CTNNA3: variants seen among roughly 807,000 people sequenced by gnomAD.
CTNNA3 encodes catenin alpha 3.
In CTNNA3, 76 loss-of-function variants were observed where a neutral mutation model predicts 95.7. That is an observed-to-expected ratio of 0.79 (90% CI 0.66 to 0.96). The LOEUF is 0.96. CTNNA3 is among the 40% of genes least tolerant of loss of function. The pLI is 0.00. For missense variants in CTNNA3, 1,191 were observed against 1,089.8 expected (o/e 1.09, Z -1.31); for synonymous variants, 431 against 374.4 (o/e 1.15, Z -1.74).
At chr10:66,270,254 C>T (rs1468075578) in intron 13 of CTNNA3, among the ~76,000 whole-genome samples, 2 of 151,802 alleles carry the variant, frequency 1.3e-5, no homozygotes, top group East Asian at 1.9e-4. Context: ...CACTTTGTCA[C>T]CCAGGCTGCA....
In CTNNA3 at chr10:67,309,320, G is replaced by A. The variant is rs1287415741; in HGVS notation, c.580-89450C>T. On this transcript the variant is annotated intron_variant, in intron 5 of 17. Transcript: ENST00000433211. The stretch of plus-strand genomic sequence containing the variant: ...TCACCATCATCAAGTGAAATACTAT[G>A]TCATCTTACAGCAGCATCTCCTGGC... 3.3e-5 allele frequency among the ~76,000 whole-genome samples: 5 copies of A among 152,284 alleles called. No homozygotes were observed. In the East Asian group the frequency reaches 9.7e-4, roughly 29 times the overall value.
chr10:66,367,871 AATAATAATAATTATT>A (rs1207583039), intron 12 of CTNNA3, among the ~76,000 whole-genome samples: 972 of 58,498 alleles, frequency 0.017, 9 homozygotes, highest in East Asian at 0.061. Context: ...TAATAATAAT[AATAATAATAATTATT>A]ATTATTATTA....
chr10:66,505,978 A>G (rs969780758), intron 11 of CTNNA3, among the ~76,000 whole-genome samples: 2 of 152,178 alleles, frequency 1.3e-5, no homozygotes, highest in African/African-American at 4.8e-5. Context: ...TGCAGACTGT[A>G]TAAGAAGCAT....
At chr10:67,752,338 C>T (rs917912235) in intron 1 of CTNNA3, among the ~76,000 whole-genome samples, 8 of 152,140 alleles carry the variant, frequency 5.3e-5, no homozygotes, top group African/African-American at 1.9e-4. Context: ...ATATTAAGAG[C>T]CATTCCTGAC....
At chr10:66,195,530 G>C (rs1460008996) in intron 13 of CTNNA3, among the ~76,000 whole-genome samples, 1 of 152,190 alleles carries the variant, frequency 6.6e-6, no homozygotes, top group Admixed American at 6.6e-5. Flanking sequence ...TCAGTTAGCA[G>C]TGTAGTGACA....
At chr10:67,594,276 A>T (rs1352847692) in intron 3 of CTNNA3, among the ~76,000 whole-genome samples, 1 of 152,172 alleles carries the variant, frequency 6.6e-6, no homozygotes, top group African/African-American at 2.4e-5. Flanking sequence ...TCGTAGAATC[A>T]GGGAGGAATC....
intron 5 of CTNNA3, among the ~76,000 whole-genome samples, chr10:67,398,994 G>A (rs1479325342): frequency 1.3e-5 from 2 of 151,970 alleles, no homozygotes; most frequent in East Asian, 1.9e-4. Flanking sequence ...GTCTTTATTA[G>A]CAGCATGAGA....
intron 9 of CTNNA3, among the ~76,000 whole-genome samples, chr10:66,625,651 A>G (rs1844909412): frequency 6.6e-6 from 1 of 152,158 alleles, no homozygotes; most frequent in African/African-American, 2.4e-5. Context: ...AGTCTCCCAA[A>G]GTGCTAGGAT....
intron 7 of CTNNA3, among the ~76,000 whole-genome samples, chr10:67,067,365 C>A (rs1856159079): frequency 6.6e-6 from 1 of 151,992 alleles, no homozygotes; most frequent in African/African-American, 2.4e-5. Flanking sequence ...AGTTACTAAC[C>A]CTCCCCCACC....
intron 7 of CTNNA3, among the ~76,000 whole-genome samples, chr10:66,857,503 T>G (rs1394600049): frequency 1.3e-5 from 2 of 152,096 alleles, no homozygotes; most frequent in African/African-American, 2.4e-5. Flanking sequence ...TTGGGAAGTA[T>G]GACCATTTTA....
chr10:67,218,630 A>G (rs1164143428), intron 6 of CTNNA3, among the ~76,000 whole-genome samples: 3 of 152,210 alleles, frequency 2.0e-5, no homozygotes, highest in African/African-American at 7.2e-5. Context: ...AACACTAGCC[A>G]TGACTCCTTC....
rs576317190 is a variant in CTNNA3 at position 65,959,642 on chromosome 10, A to C, written c.2400+6970T>G. Among the ~76,000 whole-genome samples, 13 of 152,186 alleles carry C rather than the reference A, an allele frequency of 8.5e-5. No individual in the cohort carries two copies. The South Asian group carries it at 2.3e-3, about 27-fold the overall frequency. ...TGGGTTCAGGTCATCCTCTCACCTC[A>C]GCTTCCCGAGTAGCTGGGACTACAG... On this transcript the variant is annotated intron_variant, in intron 17 of 17. Coordinates refer to ENST00000433211, the MANE Select transcript of CTNNA3 (RefSeq NM_013266.4).
At chr10:66,807,143 T>A (rs948285771) in intron 7 of CTNNA3, among the ~76,000 whole-genome samples, 1 of 152,088 alleles carries the variant, frequency 6.6e-6, no homozygotes, top group Non-Finnish European at 1.5e-5. Flanking sequence ...TGTACCTGTG[T>A]AACCCAGTTT....
chr10:67,136,201 C>T (rs1860301921), intron 7 of CTNNA3, among the ~76,000 whole-genome samples: 1 of 151,870 alleles, frequency 6.6e-6, no homozygotes, highest in African/African-American at 2.4e-5. Context: ...TTACATATTC[C>T]ATTATCCCTT....
At chr10:67,511,402 T>G (rs1839622795) in intron 5 of CTNNA3, among the ~76,000 whole-genome samples, 1 of 152,240 alleles carries the variant, frequency 6.6e-6, no homozygotes, top group Non-Finnish European at 1.5e-5. Flanking sequence ...GTTTTTAGCA[T>G]GAAGGCTGTT....
intron 1 of CTNNA3, among the ~76,000 whole-genome samples, chr10:67,676,857 T>G (rs1264909762): frequency 1.3e-5 from 2 of 152,132 alleles, no homozygotes; most frequent in African/African-American, 4.8e-5. Flanking sequence ...AGGAGGGCCT[T>G]CCAGTCAGTT....
At chr10:67,188,377 C>T (rs1175077402) in intron 6 of CTNNA3, among the ~76,000 whole-genome samples, 1 of 152,094 alleles carries the variant, frequency 6.6e-6, no homozygotes, top group African/African-American at 2.4e-5. Context: ...TCCCTGTATT[C>T]CCAGCTACTT....
At chr10:67,668,071 G>A (rs779965410) in intron 1 of CTNNA3, among the ~76,000 whole-genome samples, 1 of 152,004 alleles carries the variant, frequency 6.6e-6, no homozygotes, top group African/African-American at 2.4e-5. Context: ...CTCTGAGTTT[G>A]GTACCTGACA....
At chr10:66,705,539 T>A (rs1201608361) in intron 9 of CTNNA3, among the ~76,000 whole-genome samples, 2 of 152,032 alleles carry the variant, frequency 1.3e-5, no homozygotes, top group Admixed American at 1.3e-4. Context: ...ATTAAATTGA[T>A]AATGATGCCG....
Sources: gnomAD v4.1 joint callset for allele counts (sites outside exome capture counted in the v4.1 genomes callset) on GRCh38, gnomAD v4.1.1 for gene constraint, MANE v1.5 for transcripts, NCBI Gene and HGNC (gene_info 2026-07-23, HGNC 2026-07-21) for gene names.